The following ARL13B variants were observed in gnomAD, a reference collection of about 807,000 sequenced individuals.
ARL13B encodes ARF like GTPase 13B, also known as ADP-ribosylation factor-like protein 13B.
ARL13B carries 36 observed loss-of-function variants against 56.1 expected under a neutral mutation model. That is an observed-to-expected ratio of 0.64 (90% CI 0.49 to 0.85). ARL13B has a LOEUF of 0.85. Among genes scored for constraint, ARL13B ranks in the 40% least tolerant of loss-of-function variants. The pLI is 0.00. For synonymous variants in ARL13B, 178 were observed against 171.1 expected (o/e 1.04, Z -0.32); for missense variants, 519 against 507.1 (o/e 1.02, Z -0.23).
At position 94,051,104 on chromosome 3, in the gene ARL13B, A is replaced by C. The variant is rs577683358; in HGVS notation, c.1210+212A>C. On this transcript the variant is annotated intron_variant, in intron 9 of 9. Coordinates refer to ENST00000394222, the MANE Select transcript of ARL13B (RefSeq NM_001174150.2). ...TATCATTTAATTTGGTGTTTACCTT[A>C]GAATACAGAGGTAAAAAGAATCATA... 7.2e-4 allele frequency among the ~76,000 whole-genome samples: 110 copies of C among 152,244 alleles called. 1 individual carries two copies. Among genetic ancestry groups the C allele is most frequent in the Admixed American group, 3.3e-3 (51 of 15,286 alleles).
At chr3:94,034,547 A>G (rs1417130840) in intron 3 of ARL13B, among the ~76,000 whole-genome samples, 1 of 150,088 alleles carries the variant, frequency 6.7e-6, no homozygotes. Flanking sequence ...TGCCAAGTAT[A>G]TTAGAAGTGG....
intron 3 of ARL13B, among the ~76,000 whole-genome samples, chr3:94,011,469 T>G (rs1454419157): frequency 2.0e-5 from 3 of 152,166 alleles, no homozygotes. Flanking sequence ...TTTCAGTTTT[T>G]GCCTGAGTTC....
chr3:93,981,415 A>G (rs1463528908), intron 1 of ARL13B, among the ~76,000 whole-genome samples: 1 of 152,188 alleles, frequency 6.6e-6, no homozygotes, highest in Non-Finnish European at 1.5e-5. Flanking sequence ...TGCCATGAGA[A>G]TGAACTATCC....
intron 3 of ARL13B, among the ~76,000 whole-genome samples, chr3:94,020,562 G>A (rs1396891500): frequency 1.3e-5 from 2 of 152,114 alleles, no homozygotes; most frequent in Non-Finnish European, 2.9e-5. Flanking sequence ...AGGCAATTAG[G>A]TCAGTTAAGT....
At chr3:94,008,338 G>T (rs1266551676) in intron 3 of ARL13B, among the ~76,000 whole-genome samples, 1 of 152,040 alleles carries the variant, frequency 6.6e-6, no homozygotes, top group Non-Finnish European at 1.5e-5. Context: ...AATCTAGCTG[G>T]CCCTTCAGAA....
chr3:94,003,541 T>G (rs1226819394), intron 2 of ARL13B, 118 bp from the exon 3 acceptor site: 10 of 1,148,290 alleles, frequency 8.7e-6, no homozygotes, highest in Non-Finnish European at 1.2e-5. Context: ...TTCAAAATAA[T>G]GTTTATTGTG....
intron 3 of ARL13B, among the ~76,000 whole-genome samples, chr3:94,033,634 A>C (rs1393468862): frequency 6.6e-6 from 1 of 152,222 alleles, no homozygotes; most frequent in African/African-American, 2.4e-5. Context: ...AAAGGTCATC[A>C]ATGGCTGCTA....
chr3:94,043,065 C>A lies in ARL13B; in HGVS notation c.849C>A (p.Asp283Glu), dbSNP rs775290119. Residue 283 changes from aspartate (D) to glutamate (E), a missense_variant, in exon 7 of 10, where the codon GAC becomes GAA. Physicochemically the swap from Asp to Glu is conservative, Grantham distance 45. Transcript: ENST00000394222. ...REKKNQKMEK[D>E]SDGCHLKHKM... ...AAAAAAACCAAAAAATGGAGAAAGA[C>A]AGTGATGGCTGCCACCTGAAACATA... is the stretch of plus-strand genomic sequence containing the variant. The A allele has an allele frequency of 1.2e-6, 2 of 1,612,674 alleles. No individual in the cohort carries two copies.
At position 94,045,358 on chromosome 3, in the gene ARL13B, G is replaced by C. The variant is rs1576049939; in HGVS notation, c.1024+2118G>C. ...GAAAACCAGAGACCTTTGTTCACGT[G>C]TTTATCTGCTGACCTTCTCTCCACT... is the stretch of plus-strand genomic sequence containing the variant. On this transcript the variant is annotated intron_variant, in intron 7 of 9. Coordinates refer to ENST00000394222, the MANE Select transcript of ARL13B (RefSeq NM_001174150.2). 2.7e-5 allele frequency among the ~76,000 whole-genome samples: 4 copies of C among 150,558 alleles called. No individual in the cohort carries two copies. The South Asian group carries it at 6.3e-4, about 24-fold the overall frequency.
chr3:94,002,235 A>G (rs2076066964), intron 2 of ARL13B, among the ~76,000 whole-genome samples: 1 of 152,010 alleles, frequency 6.6e-6, no homozygotes, highest in East Asian at 1.9e-4. Flanking sequence ...GTGGACCACT[A>G]GCCACATGTG....
intron 3 of ARL13B, among the ~76,000 whole-genome samples, chr3:94,018,906 C>T (rs940797269): frequency 6.6e-6 from 1 of 152,060 alleles, no homozygotes; most frequent in East Asian, 1.9e-4. Flanking sequence ...GCTGGGACTA[C>T]AGGCATGTGC....
chr3:94,044,610 G>A (rs1371228952), intron 7 of ARL13B, among the ~76,000 whole-genome samples: 1 of 137,078 alleles, frequency 7.3e-6, no homozygotes, highest in Admixed American at 7.3e-5. Flanking sequence ...CTGCCCGGCC[G>A]CCACCCTGTC....
chr3:94,052,188 A>C (rs1445110683), intron 9 of ARL13B, among the ~76,000 whole-genome samples: 3 of 152,198 alleles, frequency 2.0e-5, no homozygotes, highest in Non-Finnish European at 4.4e-5. Context: ...CATATGAAGA[A>C]AAAATACCAA....
At chr3:94,006,237 A>T (rs1165109789) in intron 3 of ARL13B, among the ~76,000 whole-genome samples, 1 of 152,148 alleles carries the variant, frequency 6.6e-6, no homozygotes. Context: ...TGGAGGTTGC[A>T]GTGAGCCAAG....
chr3:94,049,918 C>T (rs965556106), intron 8 of ARL13B, among the ~76,000 whole-genome samples: 3 of 149,870 alleles, frequency 2.0e-5, no homozygotes, highest in Non-Finnish European at 4.4e-5. Context: ...TTTGTGAGGC[C>T]GAGGCGGGCA....
chr3:94,051,280 T>C (rs1256621549), intron 9 of ARL13B, among the ~76,000 whole-genome samples: 1 of 152,064 alleles, frequency 6.6e-6, no homozygotes, highest in African/African-American at 2.4e-5. Flanking sequence ...TCAATGATAA[T>C]GGCACATAAT....
Position 94,012,052 on chromosome 3 carries a change from G to A in ARL13B, c.380+8144G>A, listed in dbSNP as rs996115521. Reference sequence around the variant, plus strand: ...TTTCTTTAAACTCTCCTTTTGCATTGGCTTTCCTTGTACCTCATTGACAGT... The same window carrying A: ...TTTCTTTAAACTCTCCTTTTGCATTAGCTTTCCTTGTACCTCATTGACAGT... On this transcript the variant is annotated intron_variant, in intron 3 of 9. Transcript: ENST00000394222. Among the ~76,000 whole-genome samples the A allele has an allele frequency of 6.6e-5, 10 of 151,920 alleles. No homozygotes were observed. The East Asian group carries it at 1.7e-3, about 26-fold the overall frequency.
At chr3:94,000,273 G>A (rs2076032126) in intron 2 of ARL13B, among the ~76,000 whole-genome samples, 1 of 152,090 alleles carries the variant, frequency 6.6e-6, no homozygotes, top group African/African-American at 2.4e-5. Flanking sequence ...ACATGTATCA[G>A]GGTTCTTCTC....
chr3:93,988,763 C>T, intron 1 of ARL13B: 2 of 427,810 alleles, frequency 4.7e-6, no homozygotes, highest in East Asian at 7.2e-5. Flanking sequence ...TTTCCCTATG[C>T]TCCCCTTTTC....
Sources: allele counts gnomAD v4.1 joint callset (sites outside exome capture counted in the v4.1 genomes callset), GRCh38; gene constraint gnomAD v4.1.1; transcripts MANE v1.5; gene names NCBI Gene and HGNC (gene_info 2026-07-23, HGNC 2026-07-21).